MMP24: variants seen among roughly 807,000 people sequenced by gnomAD.
The protein encoded by MMP24 is matrix metallopeptidase 24.
A neutral mutation model predicts 62.8 loss-of-function variants in MMP24; 25 were observed. The ratio of observed to expected loss-of-function variants is 0.40; its 90% CI spans 0.29 to 0.56. The LOEUF is 0.56. MMP24 is among the 20% of genes least tolerant of loss of function. The pLI is 0.50. For synonymous variants in MMP24, 319 were observed against 350.5 expected, an observed-to-expected ratio of 0.91 and a Z score of 1.00; for missense variants, 634 against 853.6, an observed-to-expected ratio of 0.74 and a Z score of 3.21.
chr20:35,264,555 A>C (rs934221722), intron 5 of MMP24, among the ~76,000 whole-genome samples: 19 of 151,710 alleles, frequency 1.3e-4, no homozygotes, highest in Non-Finnish European at 1.5e-4. Flanking sequence ...AACAAACAAA[A>C]AAATTAGCCA....
chr20:35,239,782 G>A (rs1296058769), intron 1 of MMP24, among the ~76,000 whole-genome samples: 1 of 152,140 alleles, frequency 6.6e-6, no homozygotes, highest in Non-Finnish European at 1.5e-5. Context: ...AGCCATGGCT[G>A]AGAGCGAGAC....
At chr20:35,257,621 C>T (rs1388754114) in intron 4 of MMP24, among the ~76,000 whole-genome samples, 1 of 152,200 alleles carries the variant, frequency 6.6e-6, no homozygotes, top group African/African-American at 2.4e-5. Context: ...ACACCTGCTC[C>T]TTGCTTTTGC....
In MMP24 at chr20:35,271,808, C is replaced by A. The variant is rs1414213052; in HGVS notation, c.1573C>A (p.Gln525Lys). Residue 525 changes from glutamine to lysine, a missense_variant, in exon 8 of 9, where the codon CAA (glutamine) becomes AAA (lysine). Transcript: ENST00000246186. The surrounding 1 kb of genome is among the most constrained non-coding windows in gnomAD (Gnocchi z 4.0). ...GTGGAAGGGCATCCCACAGGCTCCC[C>A]AAGGAGCCTTCATCAGCAAGGAAGG... is the stretch of plus-strand genomic sequence containing the variant. ...TVWKGIPQAP[Q>K]GAFISKEGYY... is the part of the protein sequence containing the mutation. 6.2e-7 allele frequency: 1 copy of A among 1,610,094 alleles called. No homozygotes were observed.
chr20:35,274,727 G>A lies in MMP24; in HGVS notation c.*118G>A, dbSNP rs1354863802. 4.4e-6 allele frequency: 4 copies of A among 907,410 alleles called. No individual in the cohort carries two copies. Among genetic ancestry groups the A allele is most frequent in the East Asian group, 5.3e-5 (2 of 37,708 alleles). 56.2% of individuals were successfully genotyped at this position (907,410 alleles called of 1,614,324 possible). A position where few individuals can be genotyped will look rare whatever the true frequency, so the allele number is the denominator to read the frequency against. On this transcript the variant is annotated 3_prime_UTR_variant, in exon 9 of 9. Transcript: ENST00000246186. The surrounding 1 kb of genome is among the most constrained non-coding windows in gnomAD (Gnocchi z 5.1). ...GCCAGCAGGGCCCTAGGCTGGGGTC[G>A]TACAGCTGAAGTGGTGGGTGCATTG...
intron 5 of MMP24, 69 bp from the exon 6 acceptor site, chr20:35,267,136 G>A (rs1414462141): frequency 3.8e-6 from 5 of 1,315,180 alleles, no homozygotes; most frequent in Non-Finnish European, 5.3e-6. Flanking sequence ...CTGCCTGGGT[G>A]ATGCTGAGAC....
chr20:35,250,257 A>G (rs1422025526), intron 2 of MMP24, among the ~76,000 whole-genome samples: 1 of 152,294 alleles, frequency 6.6e-6, no homozygotes, highest in South Asian at 2.1e-4. Flanking sequence ...CTGGCCAAGA[A>G]TTAAACATTT....
chr20:35,237,515 T>C (rs549730082), intron 1 of MMP24, among the ~76,000 whole-genome samples: 1 of 152,366 alleles, frequency 6.6e-6, no homozygotes, highest in South Asian at 2.1e-4. Flanking sequence ...TAATCATTTC[T>C]ATAAAGTCTC....
rs199928812 is a variant in MMP24, at chr20:35,269,724, G to C, written c.1195-36G>C. On this transcript the variant is annotated intron_variant, in intron 6 of 8. Coordinates refer to ENST00000246186, the MANE Select transcript of MMP24 (RefSeq NM_006690.4). The surrounding 1 kb of genome is among the most constrained non-coding windows in gnomAD (Gnocchi z 4.6). ...ATCACTGGGTTCGGAGGCAGGGCCT[G>C]ACACACCTCTCTCCCCCTCTCCCGC... 34 of 1,557,080 alleles carry C rather than the reference G, an allele frequency of 2.2e-5. 1 individual carries two copies. The African/African-American group carries it at 2.5e-4, about 11-fold the overall frequency.
intron 4 of MMP24, among the ~76,000 whole-genome samples, chr20:35,262,241 G>T (rs1254970514): frequency 6.6e-6 from 1 of 152,140 alleles, no homozygotes; most frequent in African/African-American, 2.4e-5. Context: ...GGGACCCAGG[G>T]AACCAGCGCT....
chr20:35,254,675 C>T lies in MMP24; in HGVS notation c.738C>T (p.Tyr246=). ...AAGGGGGATTCCTGGCCCATGCCTA[C>T]TTCCCTGGCCCAGGGATTGGAGGAG... The part of the protein sequence containing the change: ...DGEGGFLAHA[Y]FPGPGIGGDT... Residue 246 remains tyrosine, a synonymous_variant, in exon 4 of 9, where the codon TAC becomes TAT. Coordinates refer to ENST00000246186, the MANE Select transcript of MMP24 (RefSeq NM_006690.4). 1.9e-6 allele frequency: 3 copies of T among 1,614,248 alleles called. No individual in the cohort carries two copies. The highest frequency in any genetic ancestry group is 2.5e-6 in the Non-Finnish European group (3 of 1,180,056).
In MMP24 at chr20:35,226,747, G is replaced by A; in HGVS notation, c.9G>A (p.Arg3=). Residue 3 remains arginine, a synonymous_variant, in exon 1 of 9, where the codon AGG becomes AGA. Transcript: ENST00000246186. MP[R]SRGGRAAPGP... ...CGGGCCCCGCCGCCGGGATGCCGAG[G>A]AGCCGGGGCGGCCGCGCCGCGCCGG... The A allele has an allele frequency of 1.3e-6, 1 of 785,744 alleles. No homozygotes were observed. Among genetic ancestry groups the A allele is most frequent in the Non-Finnish European group, 1.5e-6 (1 of 654,476 alleles). The allele number at this position is 785,744 out of a possible 1,614,324, so 48.7% of individuals were successfully genotyped here. A position where few individuals can be genotyped will look rare whatever the true frequency, so the allele number is the denominator to read the frequency against.
chr20:35,268,998 G>A (rs1428415149), intron 6 of MMP24, among the ~76,000 whole-genome samples: 2 of 144,982 alleles, frequency 1.4e-5, no homozygotes, highest in African/African-American at 2.6e-5. Context: ...CTGCACTCCA[G>A]CCTGGGTGAC....
intron 4 of MMP24, 177 bp from the exon 5 acceptor site, chr20:35,263,614 T>G: frequency 2.1e-6 from 1 of 475,664 alleles, no homozygotes. Flanking sequence ...TCCTTGTCCC[T>G]GCTCTGCAGA....
intron 5 of MMP24, among the ~76,000 whole-genome samples, chr20:35,264,959 TGGA>T (rs1023215715): frequency 1.3e-5 from 2 of 152,122 alleles, no homozygotes; most frequent in African/African-American, 4.8e-5. Context: ...GGGCTCCCTC[TGGA>T]GGAGATGACC....
chr20:35,263,558 T>G, intron 4 of MMP24: 3 of 373,710 alleles, frequency 8.0e-6, no homozygotes, highest in East Asian at 4.2e-5. Flanking sequence ...CTCCCAGACA[T>G]TCTTAAAGCA....
In MMP24 at chr20:35,276,294, C is replaced by T. The variant is rs2060705411; in HGVS notation, c.*1685C>T. ...TCTCATTTTGGCCAAGGGCAGGCTC[C>T]CTGGGACAGGCAGGGAACAACTGCG... On this transcript the variant is annotated 3_prime_UTR_variant, in exon 9 of 9. Coordinates refer to ENST00000246186, the MANE Select transcript of MMP24 (RefSeq NM_006690.4). 5.0e-6 allele frequency: 2 copies of T among 399,030 alleles called. No homozygotes were observed. Among genetic ancestry groups the T allele is most frequent in the Non-Finnish European group, 8.8e-6 (2 of 226,116 alleles). 24.7% of individuals were successfully genotyped at this position (399,030 alleles called of 1,614,324 possible). A position where few individuals can be genotyped will look rare whatever the true frequency, so the allele number is the denominator to read the frequency against.
intron 8 of MMP24, among the ~76,000 whole-genome samples, chr20:35,273,395 T>TAA (rs756836538): frequency 7.7e-4 from 105 of 136,392 alleles, no homozygotes; most frequent in African/African-American, 2.6e-3. Context: ...GACCTTGTCT[T>TAA]AAAAAAAAAA....
chr20:35,245,454 CT>C (rs879641853), intron 1 of MMP24, among the ~76,000 whole-genome samples: 180 of 144,964 alleles, frequency 1.2e-3, no homozygotes, highest in Admixed American at 1.5e-3. Context: ...ATGTATATTT[CT>C]TTTTTTTTTT....
Position 35,275,544 on chromosome 20 carries a change from C to T in MMP24, c.*935C>T, listed in dbSNP as rs2060699180. On this transcript the variant is annotated 3_prime_UTR_variant, in exon 9 of 9. Coordinates refer to ENST00000246186, the MANE Select transcript of MMP24 (RefSeq NM_006690.4). ...CGAGTTTGTGACCGTCCTCCACTCC[C>T]CTCTATTGTCACTGTCCCCAGCTTT... 1 of 152,796 alleles carries T rather than the reference C, an allele frequency of 6.5e-6. No individual in the cohort carries two copies. The highest frequency in any genetic ancestry group is 2.4e-5 in the African/African-American group (1 of 41,470). The allele number at this position is 152,796 out of a possible 1,614,324, so 9.5% of individuals were successfully genotyped here. A position where few individuals can be genotyped will look rare whatever the true frequency, so the allele number is the denominator to read the frequency against.
Sources: gnomAD v4.1 joint callset for allele counts (sites outside exome capture counted in the v4.1 genomes callset) on GRCh38, gnomAD v4.1.1 for gene constraint, Gnocchi (gnomAD v3.1) non-coding constraint, MANE v1.5 for transcripts, NCBI Gene and HGNC (gene_info 2026-07-23, HGNC 2026-07-21) for gene names.